RARB: variants seen among roughly 807,000 people sequenced by gnomAD.
RARB encodes retinoic acid receptor beta.
Under a neutral mutation model 51.9 loss-of-function variants are expected in RARB, and 17 were observed. The observed-to-expected ratio is 0.33, with a 90% CI of 0.22 to 0.49. The LOEUF is 0.49. Among genes scored for constraint, RARB ranks in the 20% least tolerant of loss-of-function variants. The pLI is 0.99. For missense variants in RARB, 369 were observed against 550.8 expected (o/e 0.67, Z 3.30); for synonymous variants, 215 against 195.4 (o/e 1.10, Z -0.84).
At chr3:25,161,763 A>G (rs758318597) in intron 4 of RARB, among the ~76,000 whole-genome samples, 2 of 152,218 alleles carry the variant, frequency 1.3e-5, no homozygotes, top group Non-Finnish European at 2.9e-5. Flanking sequence ...TATATTTTAA[A>G]TAACAGATGC....
rs142881228 is a variant in RARB, at chr3:25,478,144, A to AT, written c.306+16805dup. Among the ~76,000 whole-genome samples the AT allele has an allele frequency of 1.1e-3, 161 of 152,272 alleles. 1 individual carries two copies. Among genetic ancestry groups the AT allele is most frequent in the Middle Eastern group, 6.8e-3 (2 of 294 alleles). On this transcript the variant is annotated intron_variant, in intron 2 of 7. Coordinates refer to ENST00000330688, the MANE Select transcript of RARB (RefSeq NM_000965.5). ...CAAGGTAGGAGCCACATGGCCTTTT[A>AT]TTCCCTAGCCTTGCAAGTCCCATAG...
intron 3 of RARB, among the ~76,000 whole-genome samples, chr3:25,534,104 G>C (rs1699037564): frequency 6.6e-6 from 1 of 152,168 alleles, no homozygotes; most frequent in Non-Finnish European, 1.5e-5. Flanking sequence ...GAGAATTAAA[G>C]GTTCAGTTTA....
chr3:25,466,664 C>T (rs1695446446), intron 2 of RARB, among the ~76,000 whole-genome samples: 1 of 152,208 alleles, frequency 6.6e-6, no homozygotes, highest in South Asian at 2.1e-4. Context: ...GACCCTACTA[C>T]TCCATGGAGC....
intron 1 of RARB, among the ~76,000 whole-genome samples, chr3:25,458,964 T>C (rs572526739): frequency 6.6e-6 from 1 of 152,324 alleles, no homozygotes; most frequent in South Asian, 2.1e-4. Flanking sequence ...CAAATATTTA[T>C]TGATTATCTG....
intron 5 of RARB, among the ~76,000 whole-genome samples, chr3:25,583,800 C>T (rs1053417659): frequency 6.6e-6 from 1 of 152,204 alleles, no homozygotes; most frequent in African/African-American, 2.4e-5. Flanking sequence ...TGTTTTCCCA[C>T]AGGAGCCAAG....
chr3:24,838,515 A>G (rs1388034876), intron 1 of RARB, among the ~76,000 whole-genome samples: 1 of 152,212 alleles, frequency 6.6e-6, no homozygotes, highest in East Asian at 1.9e-4. Flanking sequence ...TAGCTTGACA[A>G]GTATATTGGA....
chr3:24,980,314 C>T (rs1323857280), intron 2 of RARB, among the ~76,000 whole-genome samples: 1 of 152,122 alleles, frequency 6.6e-6, no homozygotes, highest in Non-Finnish European at 1.5e-5. Flanking sequence ...TGAATGTTGT[C>T]CTGCCTTGCT....
chr3:25,557,183 A>G (rs1245916913), intron 3 of RARB, among the ~76,000 whole-genome samples: 1 of 150,244 alleles, frequency 6.7e-6, no homozygotes, highest in Non-Finnish European at 1.5e-5. Context: ...AATTGCCATG[A>G]AAGTAGAGAC....
At chr3:25,208,649 C>T (rs935907561) in intron 5 of RARB, among the ~76,000 whole-genome samples, 3 of 152,106 alleles carry the variant, frequency 2.0e-5, no homozygotes, top group South Asian at 2.1e-4. Flanking sequence ...CTGCACCATA[C>T]ATTTGGCCCA....
intron 5 of RARB, among the ~76,000 whole-genome samples, chr3:25,200,957 A>G (rs1332100669): frequency 6.6e-6 from 1 of 152,188 alleles, no homozygotes; most frequent in African/African-American, 2.4e-5. Context: ...AGTGTAAAGT[A>G]GTTTTTTCCA....
chr3:25,213,049 T>G (rs1174376266), intron 5 of RARB, among the ~76,000 whole-genome samples: 1 of 152,156 alleles, frequency 6.6e-6, no homozygotes, highest in Non-Finnish European at 1.5e-5. Context: ...TGCTTTGCTT[T>G]TTTTTCCTTG....
chr3:25,080,111 C>A (rs551707284), intron 3 of RARB, among the ~76,000 whole-genome samples: 1 of 152,208 alleles, frequency 6.6e-6, no homozygotes, highest in Admixed American at 6.5e-5. Context: ...CTCCCTCAGA[C>A]TTTGCCAGCC....
At chr3:25,338,924 C>T (rs548870509) in intron 5 of RARB, among the ~76,000 whole-genome samples, 80 of 152,194 alleles carry the variant, frequency 5.3e-4, no homozygotes, top group Middle Eastern at 3.4e-3. Flanking sequence ...CCTTCAAAAT[C>T]GGGTCTCTGA....
At chr3:25,358,825 A>T (rs1279843456) in intron 5 of RARB, among the ~76,000 whole-genome samples, 2 of 152,168 alleles carry the variant, frequency 1.3e-5, no homozygotes, top group Non-Finnish European at 2.9e-5. Flanking sequence ...CCCGGGGATG[A>T]AGCCGACTTG....
intron 2 of RARB, among the ~76,000 whole-genome samples, chr3:24,861,128 C>A (rs560932925): frequency 1.3e-5 from 2 of 152,146 alleles, no homozygotes; most frequent in Admixed American, 6.5e-5. Flanking sequence ...TTGGTGGGGG[C>A]AGGAAGTATC....
chr3:25,174,384 G>C (rs1240249136), exon 5 of RARB: 1 of 1,351,876 alleles, frequency 7.4e-7, no homozygotes, highest in Non-Finnish European at 9.8e-7. Context: ...CTTTCTTTCT[G>C]TGAGGCCCGA....
intron 2 of RARB, among the ~76,000 whole-genome samples, chr3:24,879,798 C>G (rs372358523): frequency 7.2e-5 from 11 of 152,164 alleles, no homozygotes; most frequent in African/African-American, 2.4e-4. Context: ...TTTTGTCTTT[C>G]ACTTTTCACC....
chr3:25,139,962 A>G (rs13099080), intron 4 of RARB, among the ~76,000 whole-genome samples: 39,389 of 152,078 alleles, frequency 0.26, 5,474 homozygotes, highest in South Asian at 0.36. Context: ...GTTTGCAGCC[A>G]GGTTTACTTA....
chr3:24,998,393 C>A (rs912713482), intron 2 of RARB, among the ~76,000 whole-genome samples: 1 of 151,718 alleles, frequency 6.6e-6, no homozygotes, highest in Admixed American at 6.6e-5. Flanking sequence ...GCATATGATC[C>A]TATGCATGTG....
Sources: gnomAD v4.1 joint callset for allele counts (sites outside exome capture counted in the v4.1 genomes callset) on GRCh38, gnomAD v4.1.1 for gene constraint, MANE v1.5 for transcripts, NCBI Gene and HGNC (gene_info 2026-07-23, HGNC 2026-07-21) for gene names.